NKAIN2: variants seen among roughly 807,000 people sequenced by gnomAD.
NKAIN2 encodes the protein sodium/potassium-transporting ATPase subunit beta-1-interacting protein 2.
NKAIN2 carries 14 observed loss-of-function variants against 32.6 expected under a neutral mutation model. That is an observed-to-expected ratio of 0.43 (90% confidence interval 0.28 to 0.67). The LOEUF is 0.67. NKAIN2 is among the 30% of genes least tolerant of loss of function. The pLI, the probability that NKAIN2 is intolerant of heterozygous loss-of-function variation, is 0.17. For missense variants in NKAIN2, 198 were observed against 258.3 expected (o/e 0.77, Z 1.60); for synonymous variants, 80 against 87.2 (o/e 0.92, Z 0.46).
intron 3 of NKAIN2, among the ~76,000 whole-genome samples, chr6:124,583,667 C>G (rs1471322381): frequency 3.3e-5 from 5 of 152,042 alleles, no homozygotes. Flanking sequence ...GAACCACAAT[C>G]GACCTAGAAC....
intron 1 of NKAIN2, among the ~76,000 whole-genome samples, chr6:123,976,374 T>TATATATATATATATATATATTCCC (rs1778621405): frequency 4.7e-4 from 9 of 19,038 alleles, no homozygotes; most frequent in Non-Finnish European, 9.3e-4. Context: ...TATATTCCCA[T>TATATATATATATATATATATTCCC]ATATATATAT....
intron 4 of NKAIN2, among the ~76,000 whole-genome samples, chr6:124,709,844 GA>G (rs1775339730): frequency 6.6e-6 from 1 of 151,204 alleles, no homozygotes; most frequent in African/African-American, 2.4e-5. Flanking sequence ...GTTCTGCTCT[GA>G]TTTTAGTTAT....
At chr6:124,510,576 TA>T (rs1778672742) in intron 3 of NKAIN2, among the ~76,000 whole-genome samples, 1 of 152,228 alleles carries the variant, frequency 6.6e-6, no homozygotes, top group Non-Finnish European at 1.5e-5. Context: ...ATTTGATATT[TA>T]CAGTTGAAAG....
intron 1 of NKAIN2, among the ~76,000 whole-genome samples, chr6:123,837,770 C>T (rs1372289577): frequency 6.6e-6 from 1 of 151,834 alleles, no homozygotes; most frequent in East Asian, 1.9e-4. Context: ...TGGGCTATTT[C>T]TTATTTAGAG....
chr6:123,829,017 C>A (rs1216783965), intron 1 of NKAIN2: 1 of 152,104 alleles, frequency 6.6e-6, no homozygotes, highest in African/African-American at 2.4e-5. Context: ...GGAGTAAAAA[C>A]AGGAATATAT....
At chr6:124,288,353 G>A (rs1287274359) in intron 2 of NKAIN2, among the ~76,000 whole-genome samples, 1 of 152,174 alleles carries the variant, frequency 6.6e-6, no homozygotes, top group African/African-American at 2.4e-5. Context: ...CAAAGGTGCT[G>A]TTAAGTTGTG....
At chr6:124,552,300 G>A (rs1314946213) in intron 3 of NKAIN2, among the ~76,000 whole-genome samples, 2 of 152,184 alleles carry the variant, frequency 1.3e-5, no homozygotes, top group Non-Finnish European at 2.9e-5. Context: ...ATAGAAGATG[G>A]CTTGCCTTGG....
intron 1 of NKAIN2, among the ~76,000 whole-genome samples, chr6:123,841,451 C>T (rs965937441): frequency 1.3e-5 from 2 of 152,134 alleles, no homozygotes; most frequent in African/African-American, 4.8e-5. Context: ...CTTTATAACA[C>T]TATATATTAC....
intron 1 of NKAIN2, among the ~76,000 whole-genome samples, chr6:123,928,931 GAACA>G (rs1010682612): frequency 6.6e-6 from 1 of 152,066 alleles, no homozygotes; most frequent in Non-Finnish European, 1.5e-5. Context: ...TTATAGAAAT[GAACA>G]AACTATAGCT....
chr6:123,872,146 G>C (rs145515534), intron 1 of NKAIN2, among the ~76,000 whole-genome samples: 1 of 152,022 alleles, frequency 6.6e-6, no homozygotes, highest in East Asian at 1.9e-4. Context: ...TCTATTATTT[G>C]TCTTAGGTTG....
At chr6:124,819,128 C>T (rs1781289232) in intron 6 of NKAIN2, 1 of 973,986 alleles carries the variant, frequency 1.0e-6, no homozygotes, top group Admixed American at 6.2e-5. Context: ...TTCTATATAT[C>T]AGCATCAAGT....
chr6:124,225,993 C>T (rs1792087463), intron 1 of NKAIN2, among the ~76,000 whole-genome samples: 1 of 151,866 alleles, frequency 6.6e-6, no homozygotes, highest in South Asian at 2.1e-4. Flanking sequence ...TGTTTTTGGC[C>T]TTCTGTTTAC....
At chr6:124,147,591 T>G (rs1787477538) in intron 1 of NKAIN2, among the ~76,000 whole-genome samples, 1 of 152,104 alleles carries the variant, frequency 6.6e-6, no homozygotes, top group Non-Finnish European at 1.5e-5. Flanking sequence ...TGCAATTTAA[T>G]TAGGTAATGT....
chr6:124,430,591 C>A (rs757939758), intron 3 of NKAIN2, among the ~76,000 whole-genome samples: 3 of 152,010 alleles, frequency 2.0e-5, no homozygotes, highest in Non-Finnish European at 4.4e-5. Context: ...TTTACAGTAT[C>A]TCCATGTGGT....
At chr6:124,440,929 C>G (rs918703202) in intron 3 of NKAIN2, among the ~76,000 whole-genome samples, 3 of 152,026 alleles carry the variant, frequency 2.0e-5, no homozygotes, top group Admixed American at 2.0e-4. Flanking sequence ...TACTTTGACT[C>G]CATAGTTTCT....
intron 1 of NKAIN2, among the ~76,000 whole-genome samples, chr6:123,955,996 T>C (rs1421368783): frequency 2.0e-5 from 3 of 152,164 alleles, no homozygotes; most frequent in African/African-American, 7.2e-5. Context: ...TGTAAAATGC[T>C]GGATGCATTA....
chr6:124,632,560 C>T (rs1447409818), intron 3 of NKAIN2, among the ~76,000 whole-genome samples: 1 of 152,106 alleles, frequency 6.6e-6, no homozygotes, highest in Admixed American at 6.6e-5. Context: ...TAAAAGTGTT[C>T]CTTAAAACTG....
At chr6:123,980,031 A>G (rs1275137600) in intron 1 of NKAIN2, among the ~76,000 whole-genome samples, 4 of 152,220 alleles carry the variant, frequency 2.6e-5, no homozygotes, top group Non-Finnish European at 5.9e-5. Flanking sequence ...TAGTTTGTGA[A>G]CATTTGCATA....
At chr6:123,846,220 T>C (rs1344694982) in intron 1 of NKAIN2, among the ~76,000 whole-genome samples, 1 of 152,200 alleles carries the variant, frequency 6.6e-6, no homozygotes, top group South Asian at 2.1e-4. Context: ...TAAACCTCAA[T>C]GTGGTAGGAA....
Sources: gnomAD v4.1 joint callset for allele counts (sites outside exome capture counted in the v4.1 genomes callset) on GRCh38, gnomAD v4.1.1 for gene constraint, MANE v1.5 for transcripts, NCBI Gene and HGNC (gene_info 2026-07-23, HGNC 2026-07-21) for gene names.